The following LRMDA variants were observed in gnomAD, a reference collection of about 807,000 sequenced individuals.
The protein encoded by LRMDA is leucine rich melanocyte differentiation associated.
LRMDA carries 18 observed loss-of-function variants against 29.8 expected under a neutral mutation model. The ratio of observed to expected loss-of-function variants is 0.60; its 90% CI spans 0.42 to 0.90. The LOEUF (loss-of-function observed/expected upper bound fraction) is 0.90. Ranked by LOEUF, LRMDA falls within the 40% of genes least tolerant of loss-of-function variation. LRMDA has a pLI of 0.00. For synonymous variants in LRMDA, 125 were observed against 109.4 expected (o/e 1.14, Z -0.89); for missense variants, 273 against 273.9 (o/e 1.00, Z 0.02).
intron 5 of LRMDA, among the ~76,000 whole-genome samples, chr10:76,098,783 T>G (rs531523532): frequency 1.3e-5 from 2 of 152,214 alleles, no homozygotes; most frequent in East Asian, 3.9e-4. Flanking sequence ...GTTTTATTAT[T>G]ACTCCAATCA....
At chr10:76,378,278 C>A (rs541984713) in intron 6 of LRMDA, among the ~76,000 whole-genome samples, 3 of 152,176 alleles carry the variant, frequency 2.0e-5, no homozygotes, top group African/African-American at 7.2e-5. Flanking sequence ...ATCTAGGAGT[C>A]TTTTGGAGGA....
At chr10:75,602,193 C>T (rs567782301) in intron 2 of LRMDA, among the ~76,000 whole-genome samples, 1 of 151,844 alleles carries the variant, frequency 6.6e-6, no homozygotes, top group African/African-American at 2.4e-5. Context: ...AAAATAACCC[C>T]CCCCAAATAT....
intron 2 of LRMDA, among the ~76,000 whole-genome samples, chr10:75,921,286 A>G (rs1285751193): frequency 6.6e-6 from 1 of 152,206 alleles, no homozygotes; most frequent in South Asian, 2.1e-4. Context: ...AGTGGAATAT[A>G]TGGTACTTAC....
chr10:75,734,673 G>A (rs921814701), intron 2 of LRMDA, among the ~76,000 whole-genome samples: 3 of 152,240 alleles, frequency 2.0e-5, no homozygotes, highest in Admixed American at 6.5e-5. Context: ...GCAGAGGACA[G>A]GGCAGACCTG....
chr10:76,479,082 C>T (rs1247303796), intron 6 of LRMDA, among the ~76,000 whole-genome samples: 1 of 151,012 alleles, frequency 6.6e-6, no homozygotes, highest in Non-Finnish European at 1.5e-5. Flanking sequence ...AGATCACAAA[C>T]TAAATATTGA....
At chr10:75,960,323 C>A (rs16932744) in intron 2 of LRMDA, among the ~76,000 whole-genome samples, 4 of 152,044 alleles carry the variant, frequency 2.6e-5, no homozygotes, top group East Asian at 1.9e-4. Context: ...TTGATCATTG[C>A]GGCAAAGGAA....
At chr10:75,778,815 G>T (rs1483206590) in intron 2 of LRMDA, among the ~76,000 whole-genome samples, 2 of 152,198 alleles carry the variant, frequency 1.3e-5, no homozygotes, top group Admixed American at 1.3e-4. Context: ...AGTGCTTTCT[G>T]CCTTGGAGAG....
chr10:76,224,957 A>G (rs1247882906), intron 5 of LRMDA, among the ~76,000 whole-genome samples: 1 of 152,064 alleles, frequency 6.6e-6, no homozygotes, highest in East Asian at 1.9e-4. Context: ...TGTACCAGAT[A>G]TGGTATATCT....
intron 2 of LRMDA, among the ~76,000 whole-genome samples, chr10:75,945,755 C>T (rs1011609046): frequency 8.5e-5 from 13 of 152,088 alleles, no homozygotes; most frequent in Non-Finnish European, 1.5e-4. Flanking sequence ...TGGGCAGCTA[C>T]ATTGATATTT....
chr10:76,428,298 CCTTTA>C (rs1030726747), intron 6 of LRMDA, among the ~76,000 whole-genome samples: 1 of 151,974 alleles, frequency 6.6e-6, no homozygotes, highest in African/African-American at 2.4e-5. Context: ...TTGAATGGTT[CCTTTA>C]CTTGTTTTTG....
chr10:76,493,335 C>A (rs948762516), intron 6 of LRMDA, among the ~76,000 whole-genome samples: 4 of 151,994 alleles, frequency 2.6e-5, no homozygotes, highest in Non-Finnish European at 5.9e-5. Flanking sequence ...TCGCTTAAGA[C>A]TCAAGGGCTC....
chr10:76,185,924 G>GTCAA, intron 5 of LRMDA, among the ~76,000 whole-genome samples: 1 of 152,182 alleles, frequency 6.6e-6, no homozygotes, highest in African/African-American at 2.4e-5. Flanking sequence ...ATTAAAGTGG[G>GTCAA]CCTTACTGTC....
At chr10:75,626,213 C>G (rs998179651) in intron 2 of LRMDA, among the ~76,000 whole-genome samples, 4 of 152,098 alleles carry the variant, frequency 2.6e-5, no homozygotes, top group Non-Finnish European at 5.9e-5. Context: ...CACAGACATG[C>G]CTCAGCCCCA....
intron 2 of LRMDA, among the ~76,000 whole-genome samples, chr10:75,832,136 T>C (rs926195200): frequency 6.6e-6 from 1 of 152,234 alleles, no homozygotes; most frequent in African/African-American, 2.4e-5. Context: ...ATTTTCTTTT[T>C]TACTGCATCA....
chr10:75,983,197 TA>T (rs1177604458), intron 2 of LRMDA, among the ~76,000 whole-genome samples: 3 of 152,222 alleles, frequency 2.0e-5, no homozygotes, highest in African/African-American at 7.2e-5. Flanking sequence ...GGACAGTTTT[TA>T]CCATGTGAAA....
At chr10:75,901,986 G>C (rs571020308) in intron 2 of LRMDA, among the ~76,000 whole-genome samples, 7 of 152,240 alleles carry the variant, frequency 4.6e-5, no homozygotes, top group East Asian at 3.9e-4. Context: ...ACTGACAGCA[G>C]ACAAATTAAA....
chr10:75,550,061 C>G (rs1468291250), intron 2 of LRMDA, among the ~76,000 whole-genome samples: 2 of 152,112 alleles, frequency 1.3e-5, no homozygotes, highest in Non-Finnish European at 2.9e-5. Context: ...GCTGTTTGGA[C>G]TGTTTAAAGT....
chr10:76,335,111 G>T (rs1386738135), intron 6 of LRMDA, among the ~76,000 whole-genome samples: 1 of 152,204 alleles, frequency 6.6e-6, no homozygotes, highest in Non-Finnish European at 1.5e-5. Context: ...CTAGTTTCTG[G>T]TCATAATCTA....
chr10:75,979,126 T>G (rs746126681), intron 2 of LRMDA, among the ~76,000 whole-genome samples: 51 of 152,348 alleles, frequency 3.3e-4, no homozygotes, highest in Middle Eastern at 3.4e-3. Context: ...GCCAGGCATG[T>G]GATGAGTAGC....
Sources: allele counts gnomAD v4.1 joint callset (sites outside exome capture counted in the v4.1 genomes callset), GRCh38; gene constraint gnomAD v4.1.1; transcripts MANE v1.5; gene names NCBI Gene and HGNC (gene_info 2026-07-23, HGNC 2026-07-21).